The following GABRA3 variants were observed in gnomAD, a reference collection of about 807,000 sequenced individuals.
GABRA3 encodes gamma-aminobutyric acid receptor subunit alpha-3.
Under a neutral mutation model 30.1 loss-of-function variants are expected in GABRA3, and 10 were observed. The observed-to-expected ratio is 0.33, with a 90% confidence interval of 0.20 to 0.56. The LOEUF (loss-of-function observed/expected upper bound fraction) is 0.56. Ranked by LOEUF, GABRA3 falls within the 20% of genes least tolerant of loss-of-function variation. GABRA3 has a pLI of 0.89. For missense variants in GABRA3, 233 were observed against 392.0 expected (o/e 0.59, Z 3.42); for synonymous variants, 151 against 146.8 (o/e 1.03, Z -0.21).
At chrX:152,245,064 T>G (rs971367180) in intron 5 of GABRA3, among the ~76,000 whole-genome samples, 1 of 111,054 alleles carries the variant, frequency 9.0e-6, no homozygotes, top group African/African-American at 3.3e-5. Flanking sequence ...TATGTACTGG[T>G]TGTTCAGTGA....
intron 5 of GABRA3, among the ~76,000 whole-genome samples, chrX:152,241,826 T>A (rs5970241): frequency 9.0e-6 from 1 of 110,699 alleles, no homozygotes; most frequent in Non-Finnish European, 1.9e-5. Context: ...GACCCCTTGC[T>A]CTTCCCAAGT....
chrX:152,373,496 C>T (rs747165664), intron 1 of GABRA3, among the ~76,000 whole-genome samples: 2 of 112,108 alleles, frequency 1.8e-5, no homozygotes, highest in African/African-American at 3.2e-5. Context: ...ATTACATTCC[C>T]ATCAGCAGTG....
chrX:152,193,215 G>A (rs1306463028), intron 8 of GABRA3, among the ~76,000 whole-genome samples: 1 of 110,695 alleles, frequency 9.0e-6, no homozygotes, highest in African/African-American at 3.3e-5. Context: ...CTTGGTCTTA[G>A]GTAACCACTG....
Position 152,195,439 on chromosome X carries a change from C to G in GABRA3, c.931+2194G>C, listed in dbSNP as rs1937373267. Among the ~76,000 whole-genome samples the G allele has an allele frequency of 2.7e-5, 3 of 111,768 alleles. No individual in the cohort carries two copies. In the South Asian group the frequency reaches 1.1e-3, roughly 42 times the overall value. ...TAACAAATTATCAAAAATTTAGTTG[C>G]CTAAAACAATTAAATGCCTTCTTAC... On this transcript the variant is annotated intron_variant, in intron 8 of 9. Transcript: ENST00000370314.
intron 5 of GABRA3, among the ~76,000 whole-genome samples, chrX:152,238,047 GA>G (rs1453354263): frequency 1.9e-5 from 2 of 107,837 alleles, no homozygotes; most frequent in East Asian, 6.0e-4. Context: ...GGAGTGGTGA[GA>G]GAGGGCATCC....
intron 4 of GABRA3, among the ~76,000 whole-genome samples, chrX:152,283,122 G>A (rs1939227524): frequency 9.0e-6 from 1 of 111,441 alleles, no homozygotes; most frequent in Non-Finnish European, 1.9e-5. Flanking sequence ...ATGGCCAACT[G>A]GCAACAATGT....
intron 4 of GABRA3, among the ~76,000 whole-genome samples, chrX:152,258,058 T>C (rs1938667217): frequency 9.0e-6 from 1 of 111,095 alleles, no homozygotes. Flanking sequence ...ACAAAACACC[T>C]AAGGAAATGG....
rs775566889 is a variant in GABRA3 at position 152,183,372 on chromosome X, T to C, written c.1143+6358A>G. Among the ~76,000 whole-genome samples the C allele has an allele frequency of 1.3e-4, 15 of 111,302 alleles. No homozygotes were observed. The East Asian group carries it at 4.2e-3, about 31-fold the overall frequency. On this transcript the variant is annotated intron_variant, in intron 9 of 9. Transcript: ENST00000370314. ...AATTGTTTATAGTAATCTGTTATGA[T>C]TCTTTGTTTTTCTGTGATAACAGTT...
chrX:152,230,376 T>C lies in GABRA3; in HGVS notation c.552-5531A>G, dbSNP rs776593389. Among the ~76,000 whole-genome samples, 3 of 111,482 alleles carry C rather than the reference T, an allele frequency of 2.7e-5. No homozygotes were observed. In the East Asian group the frequency reaches 8.5e-4, roughly 32 times the overall value. ...CTTTCCGTGTTCACAAATTTAGAAG[T>C]CCTAATAGCATTAAGGTGGCAATTC... On this transcript the variant is annotated intron_variant, in intron 5 of 9. Coordinates refer to ENST00000370314, the MANE Select transcript of GABRA3 (RefSeq NM_000808.4).
chrX:152,300,641 C>A (rs914304557), intron 3 of GABRA3, among the ~76,000 whole-genome samples: 1 of 112,018 alleles, frequency 8.9e-6, no homozygotes, highest in African/African-American at 3.2e-5. Flanking sequence ...AAGGAAAACA[C>A]GTTCGAAATG....
At chrX:152,446,154 G>C (rs2124556191) in intron 1 of GABRA3, among the ~76,000 whole-genome samples, 1 of 112,118 alleles carries the variant, frequency 8.9e-6, no homozygotes, top group East Asian at 2.8e-4. Flanking sequence ...TAGGCACTGT[G>C]ACCATCAGAG....
intron 1 of GABRA3, chrX:152,389,571 C>T (rs924113528): frequency 9.0e-6 from 1 of 111,319 alleles, no homozygotes; most frequent in African/African-American, 3.3e-5. Context: ...AGCAATGATT[C>T]AAGAACACAT....
intron 4 of GABRA3, among the ~76,000 whole-genome samples, chrX:152,277,676 T>A (rs752342852): frequency 4.5e-5 from 5 of 112,251 alleles, no homozygotes; most frequent in African/African-American, 1.6e-4. Flanking sequence ...CAAGGATGAC[T>A]GCCTAGAAAT....
At chrX:152,268,433 G>A (rs936833835) in intron 4 of GABRA3, among the ~76,000 whole-genome samples, 1 of 112,284 alleles carries the variant, frequency 8.9e-6, no homozygotes, top group African/African-American at 3.2e-5. Context: ...CATGTAAGAT[G>A]TCCCTTTGCT....
intron 1 of GABRA3, among the ~76,000 whole-genome samples, chrX:152,419,661 C>A: frequency 9.0e-6 from 1 of 111,446 alleles, no homozygotes; most frequent in East Asian, 2.8e-4. Flanking sequence ...GATGGCATTA[C>A]CAGTGAATTC....
At chrX:152,404,250 C>G (rs767946121) in intron 1 of GABRA3, among the ~76,000 whole-genome samples, 6 of 111,464 alleles carry the variant, frequency 5.4e-5, no homozygotes, top group Non-Finnish European at 1.1e-4. Context: ...AGACAAACCA[C>G]AGCAGAAAAT....
chrX:152,349,563 C>T (rs1940444042), intron 2 of GABRA3, among the ~76,000 whole-genome samples: 1 of 109,107 alleles, frequency 9.2e-6, no homozygotes, highest in Non-Finnish European at 1.9e-5. Flanking sequence ...GGAAACCCAT[C>T]TCACGTGCAA....
At chrX:152,332,502 T>C (rs773966712) in intron 3 of GABRA3, among the ~76,000 whole-genome samples, 1 of 112,465 alleles carries the variant, frequency 8.9e-6, no homozygotes, top group African/African-American at 3.2e-5. Flanking sequence ...GAAAACAAAC[T>C]CCCACTTACT....
At chrX:152,228,407 C>G (rs890973760) in intron 5 of GABRA3, among the ~76,000 whole-genome samples, 6 of 111,472 alleles carry the variant, frequency 5.4e-5, no homozygotes, top group Admixed American at 4.8e-4. Flanking sequence ...AGTTTTGCCC[C>G]TAATCAGAAA....
Sources: gnomAD v4.1 joint callset for allele counts (sites outside exome capture counted in the v4.1 genomes callset) on GRCh38, gnomAD v4.1.1 for gene constraint, MANE v1.5 for transcripts, NCBI Gene and HGNC (gene_info 2026-07-23, HGNC 2026-07-21) for gene names.